NDUFAF7: variants seen among roughly 807,000 people sequenced by gnomAD.
NDUFAF7 encodes NADH:ubiquinone oxidoreductase complex assembly factor 7, also known as protein arginine methyltransferase NDUFAF7, mitochondrial.
NDUFAF7 carries 48 observed loss-of-function variants against 47.2 expected under a neutral mutation model. That is an observed-to-expected ratio of 1.02 (90% CI 0.81 to 1.29). The LOEUF (loss-of-function observed/expected upper bound fraction) is 1.29. Ranked by LOEUF, NDUFAF7 falls within the 50% of genes most tolerant of loss-of-function variation. NDUFAF7 has a pLI of 0.00. For missense variants in NDUFAF7, 635 were observed against 537.6 expected, an observed-to-expected ratio of 1.18 and a Z score of -1.79; for synonymous variants, 217 against 190.0, an observed-to-expected ratio of 1.14 and a Z score of -1.17.
chr2:37,270,735 T>C, the NDUFAF7 span, among the ~76,000 whole-genome samples: 13 of 152,356 alleles, frequency 8.5e-5, no homozygotes, highest in East Asian at 2.1e-3. Context: ...GTAAGAACCA[T>C]TTTTATAAGC....
intron 8 of NDUFAF7, among the ~76,000 whole-genome samples, chr2:37,246,792 G>A (rs547224936): frequency 2.0e-5 from 3 of 152,160 alleles, no homozygotes; most frequent in African/African-American, 7.2e-5. Context: ...ATAGTTTGTT[G>A]AAAATACTCA....
the NDUFAF7 span, among the ~76,000 whole-genome samples, chr2:37,264,123 C>T: frequency 6.6e-6 from 1 of 152,108 alleles, no homozygotes; most frequent in Non-Finnish European, 1.5e-5. Flanking sequence ...AATTTTTTTC[C>T]TGCTCTACAA....
At chr2:37,261,571 G>A in the NDUFAF7 span, among the ~76,000 whole-genome samples, 3 of 151,778 alleles carry the variant, frequency 2.0e-5, no homozygotes, top group Admixed American at 1.3e-4. Flanking sequence ...ACCTGAGATC[G>A]GGAGTTCGAG....
intron 8 of NDUFAF7, among the ~76,000 whole-genome samples, chr2:37,247,092 T>C (rs2148442096): frequency 6.6e-6 from 1 of 152,146 alleles, no homozygotes; most frequent in South Asian, 2.1e-4. Flanking sequence ...TTCCCATAAG[T>C]ATGTTCACGT....
At chr2:37,233,295 C>T (rs1468601994) in intron 2 of NDUFAF7, among the ~76,000 whole-genome samples, 1 of 152,194 alleles carries the variant, frequency 6.6e-6, no homozygotes, top group Non-Finnish European at 1.5e-5. Flanking sequence ...TTAGCAGTGA[C>T]ATGCAGGTGG....
chr2:37,256,997 A>G (rs1668005089), downstream of NDUFAF7: 8 of 1,493,646 alleles, frequency 5.4e-6, no homozygotes, highest in Admixed American at 5.1e-5. Context: ...GTCCCTAAAT[A>G]TAACACTGTA....
chr2:37,248,362 G>C lies in NDUFAF7; in HGVS notation c.*12G>C, dbSNP rs1667147447. ...TTGCTTGGCAGTGATATTTCAGCTTGGACATTTTACCCTTCAGTCGGCCCA... is the reference window on the plus strand; with the variant it reads ...TTGCTTGGCAGTGATATTTCAGCTTCGACATTTTACCCTTCAGTCGGCCCA... On this transcript the variant is annotated 3_prime_UTR_variant, in exon 10 of 10. Coordinates refer to ENST00000002125, the MANE Select transcript of NDUFAF7 (RefSeq NM_144736.5). 2 of 1,609,252 alleles carry C rather than the reference G, an allele frequency of 1.2e-6. No homozygotes were observed. The highest frequency in any genetic ancestry group is 3.3e-5 in the Admixed American group (2 of 59,988).
In NDUFAF7 at chr2:37,246,872, AT is replaced by A. The variant is rs112671242; in HGVS notation, c.937-575del. Among the ~76,000 whole-genome samples, 432 of 151,548 alleles carry A rather than the reference AT, an allele frequency of 2.9e-3. 2 individuals carry two copies. The highest frequency in any genetic ancestry group is 9.7e-3 in the African/African-American group (402 of 41,318). Reference sequence around the variant, plus strand: ...AGGGTCAGTAATATATTCTCAGGTGATTTTTTTTTAAGTAATTTCAACTTTT... The same window carrying A: ...AGGGTCAGTAATATATTCTCAGGTGATTTTTTTTAAGTAATTTCAACTTTT... On this transcript the variant is annotated intron_variant, in intron 8 of 9. Coordinates refer to ENST00000002125, the MANE Select transcript of NDUFAF7 (RefSeq NM_144736.5).
At chr2:37,270,884 T>G in the NDUFAF7 span, among the ~76,000 whole-genome samples, 1 of 152,180 alleles carries the variant, frequency 6.6e-6, no homozygotes, top group South Asian at 2.1e-4. Flanking sequence ...CAAAAGCCAA[T>G]TCTGAATCCT....
At chr2:37,250,142 C>T (rs1336162856), downstream of NDUFAF7, among the ~76,000 whole-genome samples, 2 of 151,818 alleles carry the variant, frequency 1.3e-5, no homozygotes, top group Non-Finnish European at 2.9e-5. Context: ...TTAGACACCC[C>T]TGCACTAAAG....
chr2:37,246,595 T>C (rs1471314980), intron 8 of NDUFAF7, among the ~76,000 whole-genome samples: 4 of 152,234 alleles, frequency 2.6e-5, no homozygotes, highest in Non-Finnish European at 5.9e-5. Flanking sequence ...TTCTATCATA[T>C]TTTCAACATT....
At chr2:37,236,025 T>G in intron 2 of NDUFAF7, 71 bp from the exon 3 acceptor site, 1 of 1,209,164 alleles carries the variant, frequency 8.3e-7, no homozygotes, top group Non-Finnish European at 1.2e-6. Flanking sequence ...TTATTTAAGA[T>G]TTTGGAGGGG....
At chr2:37,254,495 T>C (rs1038989951), downstream of NDUFAF7, among the ~76,000 whole-genome samples, 2 of 152,216 alleles carry the variant, frequency 1.3e-5, no homozygotes, top group Non-Finnish European at 1.5e-5. Context: ...ATTGCCTTTA[T>C]AAGGCAGTAT....
At chr2:37,264,046 C>A in the NDUFAF7 span, among the ~76,000 whole-genome samples, 1 of 152,090 alleles carries the variant, frequency 6.6e-6, no homozygotes, top group East Asian at 1.9e-4. Context: ...CCTCTTCAGG[C>A]AAGACAGCAA....
chr2:37,268,146 ATT>A, the NDUFAF7 span: 1 of 353,852 alleles, frequency 2.8e-6, no homozygotes. Context: ...TGACAGGTAT[ATT>A]TTTGGTATTT....
downstream of NDUFAF7, chr2:37,252,997 A>C (rs55916526): frequency 1.9e-4 from 96 of 495,648 alleles, no homozygotes; most frequent in Admixed American, 5.9e-4. Context: ...ATGACTTCTT[A>C]TTATTCAGTT....
At chr2:37,263,144 ATTCT>A in the NDUFAF7 span, among the ~76,000 whole-genome samples, 1 of 151,858 alleles carries the variant, frequency 6.6e-6, no homozygotes, top group Admixed American at 6.6e-5. Context: ...ACTTATTTTC[ATTCT>A]TTCTTGCTTA....
chr2:37,240,119 A>T (rs1005006076), intron 4 of NDUFAF7, among the ~76,000 whole-genome samples: 1 of 152,188 alleles, frequency 6.6e-6, no homozygotes, highest in Non-Finnish European at 1.5e-5. Flanking sequence ...TTTTATATGT[A>T]CTTGACAATT....
rs763938702 is a variant in NDUFAF7 at position 37,243,865 on chromosome 2, A to G, written c.684A>G (p.Lys228=). ...FDVLPVHKFQ[K]TPQGWREVFV... The stretch of plus-strand genomic sequence containing the variant: ...TTTATGTGTTATTTTGTGTTTAGAA[A>G]ACACCACAGGGATGGCGAGAAGTAT... Residue 228 remains lysine, a splice_region_variant and synonymous_variant, in exon 7 of 10, where the codon AAA becomes AAG. Transcript: ENST00000002125. 1.7e-5 allele frequency: 27 copies of G among 1,613,746 alleles called. No homozygotes were observed. The highest frequency in any genetic ancestry group is 1.6e-4 in the Middle Eastern group (1 of 6,080).
Sources: allele counts gnomAD v4.1 joint callset (sites outside exome capture counted in the v4.1 genomes callset), GRCh38; gene constraint gnomAD v4.1.1; transcripts MANE v1.5; gene names NCBI Gene and HGNC (gene_info 2026-07-23, HGNC 2026-07-21).